The following NSG2 variants were observed in gnomAD, a reference collection of about 807,000 sequenced individuals.
NSG2 encodes the protein neuronal vesicle trafficking-associated protein 2.
Under a neutral mutation model 16.9 loss-of-function variants are expected in NSG2, and 4 were observed. The ratio of observed to expected loss-of-function variants is 0.24; its 90% CI spans 0.12 to 0.54. The LOEUF (loss-of-function observed/expected upper bound fraction) is 0.54, where lower values mean the gene tolerates loss of function less well. NSG2 is among the 20% of genes least tolerant of loss of function. The probability of loss-of-function intolerance (pLI) is 0.95; values close to 1 mark genes in which losing one functional copy is unlikely to be tolerated. For missense variants in NSG2, 179 were observed against 221.1 expected (o/e 0.81, Z 1.21); for synonymous variants, 98 against 88.7 (o/e 1.11, Z -0.59).
intron 3 of NSG2, among the ~76,000 whole-genome samples, chr5:174,085,749 C>T (rs946334787): frequency 9.9e-5 from 15 of 152,128 alleles, no homozygotes; most frequent in Admixed American, 2.6e-4. Flanking sequence ...GACAAGTTTG[C>T]GGATGAAAGC....
At chr5:174,080,692 G>A (rs577062359) in intron 3 of NSG2, among the ~76,000 whole-genome samples, 2 of 152,138 alleles carry the variant, frequency 1.3e-5, no homozygotes, top group South Asian at 4.2e-4. Flanking sequence ...CTCCTGAGTA[G>A]CTGGGATTAC....
chr5:174,050,553 G>T (rs1561660558), intron 2 of NSG2, among the ~76,000 whole-genome samples: 1 of 152,158 alleles, frequency 6.6e-6, no homozygotes, highest in Non-Finnish European at 1.5e-5. Context: ...GAGTGGAAGG[G>T]CTAGGGTTGG....
chr5:174,099,037 GT>G, intron 3 of NSG2, among the ~76,000 whole-genome samples: 1 of 152,172 alleles, frequency 6.6e-6, no homozygotes, highest in Non-Finnish European at 1.5e-5. Flanking sequence ...TTGTGGGGAG[GT>G]GGGAGTTTCT....
At chr5:174,079,083 A>G (rs572330354) in intron 3 of NSG2, among the ~76,000 whole-genome samples, 9 of 152,110 alleles carry the variant, frequency 5.9e-5, no homozygotes, top group Non-Finnish European at 1.2e-4. Context: ...TTGCCAAATT[A>G]CCTTCCAAAT....
At chr5:174,079,318 T>C (rs1423472908) in intron 3 of NSG2, among the ~76,000 whole-genome samples, 1 of 151,624 alleles carries the variant, frequency 6.6e-6, no homozygotes, top group African/African-American at 2.4e-5. Context: ...AGTACAGTGG[T>C]GCAATCTCAG....
intron 3 of NSG2, among the ~76,000 whole-genome samples, chr5:174,066,851 G>A (rs1001588455): frequency 6.6e-5 from 10 of 151,172 alleles, no homozygotes; most frequent in Admixed American, 2.0e-4. Flanking sequence ...TTAGCCGGGC[G>A]TAGTGGCGGG....
At chr5:174,083,144 G>A (rs1191501611) in intron 3 of NSG2, among the ~76,000 whole-genome samples, 2 of 152,160 alleles carry the variant, frequency 1.3e-5, no homozygotes, top group African/African-American at 4.8e-5. Context: ...CCACTCCCCA[G>A]TGCCATCTCC....
chr5:174,060,980 A>T (rs1760040702), intron 2 of NSG2, among the ~76,000 whole-genome samples: 1 of 152,202 alleles, frequency 6.6e-6, no homozygotes, highest in Admixed American at 6.5e-5. Flanking sequence ...GGAGGAAATT[A>T]TACAGCACAT....
intron 2 of NSG2, among the ~76,000 whole-genome samples, chr5:174,053,650 C>A (rs1236053526): frequency 2.0e-5 from 3 of 152,142 alleles, no homozygotes; most frequent in African/African-American, 7.2e-5. Context: ...TGTAAATCAT[C>A]TCAAATTGGG....
chr5:174,066,915 G>A (rs1039424664), intron 3 of NSG2, among the ~76,000 whole-genome samples: 18 of 148,170 alleles, frequency 1.2e-4, no homozygotes, highest in African/African-American at 4.0e-4. Context: ...GCGTGAACCC[G>A]GGAGGCGGAG....
chr5:174,097,402 C>T (rs1268810737), intron 3 of NSG2, among the ~76,000 whole-genome samples: 1 of 151,568 alleles, frequency 6.6e-6, no homozygotes, highest in Non-Finnish European at 1.5e-5. Context: ...ACTACACCTG[C>T]ACACGGCACG....
intron 3 of NSG2, among the ~76,000 whole-genome samples, chr5:174,067,236 G>A (rs1395678947): frequency 6.6e-6 from 1 of 152,140 alleles, no homozygotes; most frequent in East Asian, 1.9e-4. Flanking sequence ...TGGTGATGTG[G>A]CTACTTTTTC....
intron 3 of NSG2, among the ~76,000 whole-genome samples, chr5:174,070,125 G>A (rs1202266152): frequency 2.6e-5 from 4 of 152,064 alleles, no homozygotes; most frequent in South Asian, 2.1e-4. Flanking sequence ...GGCTTCAAGC[G>A]ATCCTCCTGC....
intron 3 of NSG2, among the ~76,000 whole-genome samples, chr5:174,097,684 T>C (rs1760824436): frequency 6.9e-6 from 1 of 144,642 alleles, no homozygotes; most frequent in South Asian, 2.2e-4. Flanking sequence ...TGTGTCTCTG[T>C]CTGTGTAACT....
chr5:174,107,552 C>T lies in NSG2; in HGVS notation c.*47C>T, dbSNP rs773191826. ...GGGGGCGGGGTGGAGAGGAGGACCC[C>T]CATTGGCTAAGCCAAGCTCCAGTTA... On this transcript the variant is annotated 3_prime_UTR_variant, in exon 5 of 5. Coordinates refer to ENST00000303177, the MANE Select transcript of NSG2 (RefSeq NM_015980.5). The surrounding 1 kb of genome is among the most constrained non-coding windows in gnomAD (Gnocchi z 4.5). 7 of 1,558,222 alleles carry T rather than the reference C, an allele frequency of 4.5e-6. No homozygotes were observed. Among genetic ancestry groups the T allele is most frequent in the African/African-American group, 2.7e-5 (2 of 73,858 alleles).
chr5:174,097,565 G>T (rs1026782125), intron 3 of NSG2, among the ~76,000 whole-genome samples: 1 of 148,290 alleles, frequency 6.7e-6, no homozygotes, highest in Non-Finnish European at 1.5e-5. Context: ...CTCTGTGTGT[G>T]TAACTGTGTG....
chr5:174,079,255 C>CTG (rs370047967), intron 3 of NSG2, among the ~76,000 whole-genome samples: 2 of 148,432 alleles, frequency 1.3e-5, no homozygotes, highest in Non-Finnish European at 3.0e-5. Context: ...CTTTCTCTCT[C>CTG]TCTCTCTCTT....
At chr5:174,061,326 A>G (rs756322225) in intron 2 of NSG2, among the ~76,000 whole-genome samples, 24 of 152,234 alleles carry the variant, frequency 1.6e-4, no homozygotes, top group Non-Finnish European at 2.9e-4. Flanking sequence ...TGGAATTTGT[A>G]GAATATCCTT....
intron 1 of NSG2, 71 bp from the exon 2 acceptor site, chr5:174,046,663 T>G: frequency 1.4e-6 from 2 of 1,446,096 alleles, no homozygotes; most frequent in Non-Finnish European, 1.9e-6. Context: ...GACAGTGCTA[T>G]TTTCTCTGTC....
Sources: allele counts gnomAD v4.1 joint callset (sites outside exome capture counted in the v4.1 genomes callset), GRCh38; gene constraint gnomAD v4.1.1; non-coding constraint Gnocchi (gnomAD v3.1); transcripts MANE v1.5; gene names NCBI Gene and HGNC (gene_info 2026-07-23, HGNC 2026-07-21).